Variants in RSRC1 observed in about 807,000 individuals in gnomAD.
RSRC1 encodes arginine and serine rich coiled-coil 1, also known as serine/Arginine-related protein 53.
A neutral mutation model predicts 49.1 loss-of-function variants in RSRC1; 39 were observed. The ratio of observed to expected loss-of-function variants is 0.79; its 90% CI spans 0.61 to 1.04. RSRC1 has a LOEUF of 1.04. RSRC1 is among the 50% of genes least tolerant of loss of function. RSRC1 has a pLI of 0.00. For missense variants in RSRC1, 388 were observed against 402.4 expected (o/e 0.96, Z 0.31); for synonymous variants, 143 against 130.8 (o/e 1.09, Z -0.63).
At chr3:158,520,795 T>C (rs926290219) in intron 7 of RSRC1, among the ~76,000 whole-genome samples, 1 of 152,214 alleles carries the variant, frequency 6.6e-6, no homozygotes, top group Non-Finnish European at 1.5e-5. Context: ...TAAATGAGTT[T>C]AAGTAGACCT....
chr3:158,118,229 C>T (rs1054084864), intron 1 of RSRC1, among the ~76,000 whole-genome samples: 1 of 152,046 alleles, frequency 6.6e-6, no homozygotes, highest in Non-Finnish European at 1.5e-5. Context: ...GGATTACAGG[C>T]GTGAGCCACC....
intron 5 of RSRC1, among the ~76,000 whole-genome samples, chr3:158,343,297 A>G (rs953484066): frequency 6.6e-6 from 1 of 152,216 alleles, no homozygotes; most frequent in African/African-American, 2.4e-5. Flanking sequence ...GAAGGGATCA[A>G]ACTACTTTCC....
Position 158,154,211 on chromosome 3 carries a change from TA to T in RSRC1, c.320+30225del, listed in dbSNP as rs66561132. Among the ~76,000 whole-genome samples, 222 of 152,312 alleles carry T rather than the reference TA, an allele frequency of 1.5e-3. 1 individual carries two copies. Among genetic ancestry groups the T allele is most frequent in the Admixed American group, 2.4e-3 (37 of 15,282 alleles). On this transcript the variant is annotated intron_variant, in intron 3 of 9. Coordinates refer to ENST00000611884, the MANE Select transcript of RSRC1 (RefSeq NM_001271838.2). Reference sequence around the variant, plus strand: ...AAAAAACAATGTACATACCTTAATTTAAAAATACCTTATTGCTTAAAAATGC... The same window carrying T: ...AAAAAACAATGTACATACCTTAATTTAAAATACCTTATTGCTTAAAAATGC...
intron 4 of RSRC1, among the ~76,000 whole-genome samples, chr3:158,271,272 A>G (rs1725502543): frequency 1.3e-5 from 2 of 152,272 alleles, no homozygotes; most frequent in Admixed American, 1.3e-4. Context: ...TATGATTTAC[A>G]TAGGCAATAT....
At chr3:158,365,342 C>A (rs920620398) in intron 6 of RSRC1, among the ~76,000 whole-genome samples, 5 of 151,984 alleles carry the variant, frequency 3.3e-5, no homozygotes. Flanking sequence ...TGTTCCCCTC[C>A]CTGTGTCCAT....
chr3:158,470,357 CACACATAT>C (rs1204168368), intron 7 of RSRC1, among the ~76,000 whole-genome samples: 35 of 128,800 alleles, frequency 2.7e-4, no homozygotes, highest in Non-Finnish European at 3.9e-4. Flanking sequence ...CACACACACA[CACACATAT>C]ATATATATAT....
chr3:158,257,039 T>A (rs961271184), intron 4 of RSRC1, among the ~76,000 whole-genome samples: 2 of 150,356 alleles, frequency 1.3e-5, no homozygotes, highest in Non-Finnish European at 3.0e-5. Context: ...TTTCATTGAT[T>A]TTTTTTGAAG....
At chr3:158,407,173 A>G (rs895468736) in intron 6 of RSRC1, among the ~76,000 whole-genome samples, 4 of 152,176 alleles carry the variant, frequency 2.6e-5, no homozygotes, top group Non-Finnish European at 4.4e-5. Context: ...TTTTAAAGCA[A>G]TTGAAATCAA....
At chr3:158,423,225 C>T (rs1433669758) in intron 6 of RSRC1, among the ~76,000 whole-genome samples, 1 of 152,102 alleles carries the variant, frequency 6.6e-6, no homozygotes, top group African/African-American at 2.4e-5. Flanking sequence ...ACGTTTAAGT[C>T]TTTAATCTAT....
At chr3:158,445,969 G>A (rs978940959) in intron 6 of RSRC1, among the ~76,000 whole-genome samples, 15 of 151,946 alleles carry the variant, frequency 9.9e-5, no homozygotes, top group African/African-American at 3.1e-4. Flanking sequence ...ATATTCAGCC[G>A]TCAGTCTGTT....
intron 5 of RSRC1, among the ~76,000 whole-genome samples, chr3:158,328,140 T>C (rs1729286864): frequency 6.6e-6 from 1 of 152,194 alleles, no homozygotes; most frequent in Non-Finnish European, 1.5e-5. Context: ...GCACATGAGA[T>C]GGGTTTCCTG....
At chr3:158,196,897 G>T (rs1161066761) in intron 3 of RSRC1, among the ~76,000 whole-genome samples, 3 of 152,238 alleles carry the variant, frequency 2.0e-5, no homozygotes, top group Middle Eastern at 3.4e-3. Context: ...GCTGGATTCG[G>T]TTTGCCAGTA....
intron 4 of RSRC1, among the ~76,000 whole-genome samples, chr3:158,287,656 G>A (rs890541746): frequency 7.2e-5 from 11 of 151,984 alleles, no homozygotes; most frequent in East Asian, 3.9e-4. Flanking sequence ...ATTGACAACC[G>A]GAAGCTATTT....
At chr3:158,138,162 A>G (rs1041779268) in intron 3 of RSRC1, among the ~76,000 whole-genome samples, 2 of 152,164 alleles carry the variant, frequency 1.3e-5, no homozygotes, top group African/African-American at 4.8e-5. Context: ...TTTGTTGCTT[A>G]GCTAAGTTAG....
At chr3:158,393,510 A>C (rs1020834439) in intron 6 of RSRC1, among the ~76,000 whole-genome samples, 4 of 151,896 alleles carry the variant, frequency 2.6e-5, no homozygotes, top group Admixed American at 2.0e-4. Flanking sequence ...GAAATACAAA[A>C]ATCCCTCCGA....
At chr3:158,536,520 T>C (rs1372950074) in intron 7 of RSRC1, among the ~76,000 whole-genome samples, 1 of 151,534 alleles carries the variant, frequency 6.6e-6, no homozygotes, top group Non-Finnish European at 1.5e-5. Context: ...TATTTATATA[T>C]GTAATCAAAT....
intron 4 of RSRC1, among the ~76,000 whole-genome samples, chr3:158,283,294 T>A (rs901369496): frequency 6.6e-5 from 10 of 151,410 alleles, no homozygotes; most frequent in East Asian, 5.8e-4. Context: ...AGGATTTTTT[T>A]AAAAATACTT....
chr3:158,372,854 T>G (rs1423952187), intron 6 of RSRC1, among the ~76,000 whole-genome samples: 1 of 151,918 alleles, frequency 6.6e-6, no homozygotes, highest in African/African-American at 2.4e-5. Context: ...CCATTTATTC[T>G]GTTTTTTTAT....
At chr3:158,321,974 TACACACACACACACACAC>T (rs71144456) in intron 5 of RSRC1, among the ~76,000 whole-genome samples, 1 of 148,400 alleles carries the variant, frequency 6.7e-6, no homozygotes, top group Non-Finnish European at 1.5e-5. Context: ...TTTTAACACC[TACACACACACACACACAC>T]ACACACACAC....
Sources: gnomAD v4.1 joint callset for allele counts (sites outside exome capture counted in the v4.1 genomes callset) on GRCh38, gnomAD v4.1.1 for gene constraint, MANE v1.5 for transcripts, NCBI Gene and HGNC (gene_info 2026-07-23, HGNC 2026-07-21) for gene names.